PARP14: variants seen among roughly 807,000 people sequenced by gnomAD.
PARP14 encodes protein mono-ADP-ribosyltransferase PARP14.
Under a neutral mutation model 154.2 loss-of-function variants are expected in PARP14, and 59 were observed. That is an observed-to-expected ratio of 0.38 (90% CI 0.31 to 0.48). The LOEUF (loss-of-function observed/expected upper bound fraction) is 0.48, where lower values mean the gene tolerates loss of function less well. Ranked by LOEUF, PARP14 falls within the 20% of genes least tolerant of loss-of-function variation. The pLI, the probability that PARP14 is intolerant of heterozygous loss-of-function variation, is 0.98. For missense variants in PARP14, 1,734 were observed against 2,131.6 expected (o/e 0.81, Z 3.67); for synonymous variants, 720 against 780.5 (o/e 0.92, Z 1.29).
chr3:122,682,695 C>T (rs1294568753), intron 1 of PARP14, among the ~76,000 whole-genome samples: 1 of 152,156 alleles, frequency 6.6e-6, no homozygotes, highest in African/African-American at 2.4e-5. Context: ...TTCCTCCACC[C>T]CCAGGCTGCT....
intron 8 of PARP14, among the ~76,000 whole-genome samples, chr3:122,706,115 C>T (rs947012286): frequency 2.6e-5 from 4 of 152,144 alleles, no homozygotes; most frequent in African/African-American, 9.7e-5. Context: ...GTGACACAGA[C>T]CTGAACCTTC....
At chr3:122,722,229 G>A (rs766932119) in intron 15 of PARP14, 1 of 151,838 alleles carries the variant, frequency 6.6e-6, no homozygotes, top group Non-Finnish European at 1.5e-5. Context: ...TTTTTTTAAT[G>A]TAAAACTGGT....
Position 122,718,936 on chromosome 3 carries a change from T to C in PARP14, c.4785T>C (p.Val1595=). ...ACACAAAGGGCCACAGTTTATCTGT[T>C]CAGCGCCTCACGAAATCCAAAGGTG... ...ATDTKGHSLS[V]QRLTKSKVDI... is the part of the protein sequence containing the mutation. Residue 1595 remains valine (V), a synonymous_variant, in exon 14 of 17, where the codon GTT becomes GTC. Coordinates refer to ENST00000474629, the MANE Select transcript of PARP14 (RefSeq NM_017554.3). The C allele has an allele frequency of 6.3e-7, 1 of 1,587,328 alleles. No homozygotes were observed. Among genetic ancestry groups the C allele is most frequent in the Non-Finnish European group, 8.6e-7 (1 of 1,168,518 alleles).
Position 122,698,554 on chromosome 3 carries a change from C to T in PARP14, c.836-836C>T, listed in dbSNP as rs191491026. Among the ~76,000 whole-genome samples the T allele has an allele frequency of 1.3e-4, 20 of 152,192 alleles. No homozygotes were observed. In the East Asian group the frequency reaches 2.9e-3, roughly 22 times the overall value. On this transcript the variant is annotated intron_variant, in intron 5 of 16. Transcript: ENST00000474629. The stretch of plus-strand genomic sequence containing the variant: ...TTTGGTAGAGGGGCAAGAGGATGGG[C>T]GTTGGGGTTGGACAACCACTGAATC...
At chr3:122,684,370 T>C (rs965336758) in intron 1 of PARP14, among the ~76,000 whole-genome samples, 1 of 152,246 alleles carries the variant, frequency 6.6e-6, no homozygotes, top group African/African-American at 2.4e-5. Flanking sequence ...TCTTCATATC[T>C]CTCTGGCTGC....
chr3:122,713,430 A>T lies in PARP14; in HGVS notation c.3626A>T (p.Tyr1209Phe). 6.2e-7 allele frequency: 1 copy of T among 1,606,700 alleles called. No homozygotes were observed. Among genetic ancestry groups the T allele is most frequent in the East Asian group, 2.2e-5 (1 of 44,722 alleles). Residue 1209 changes from tyrosine to phenylalanine, a missense_variant, in exon 10 of 17, where the codon TAT becomes TTT. Tyr to Phe is a conservative substitution (Grantham distance 22). This residue lies in a region of PARP14 where 1,646 missense variants were observed against 1,976.0 expected (regional missense o/e 0.83). Transcript: ENST00000474629. The stretch of plus-strand genomic sequence containing the variant: ...TTACTTCTTTTCTTTTCAGGTTTTT[A>T]TGGGACTGTTTCTAGCCCTGATTCA... ...IPKAKDTQGF[Y>F]GTVSSPDSGV...
chr3:122,723,023 C>G (rs1341799484), intron 15 of PARP14, among the ~76,000 whole-genome samples: 1 of 152,012 alleles, frequency 6.6e-6, no homozygotes, highest in East Asian at 1.9e-4. Flanking sequence ...GCAACCTCCG[C>G]CTACCGGTTG....
In PARP14 at chr3:122,700,856, T is replaced by C; in HGVS notation, c.2302T>C (p.Leu768=). The part of the protein sequence containing the change: ...ARFYQSEIKR[L]FGCYIELQEN... ...GTTTTATCAAAGTGAGATCAAACGG[T>C]TGTTTGGTTGTTACATTGAACTACA... The change falls in exon 6 of 17, where the codon TTG becomes CTG. Residue 768 remains leucine (L), a synonymous_variant. Transcript: ENST00000474629. 6.2e-7 allele frequency: 1 copy of C among 1,613,890 alleles called. No homozygotes were observed. Among genetic ancestry groups the C allele is most frequent in the South Asian group, 1.1e-5 (1 of 91,082 alleles).
At chr3:122,720,890 T>C (rs150559929) in intron 15 of PARP14, 109 of 456,598 alleles carry the variant, frequency 2.4e-4, no homozygotes, top group African/African-American at 2.1e-3. Flanking sequence ...AAGGATTGCA[T>C]GAGCCCAGGA....
intron 1 of PARP14, among the ~76,000 whole-genome samples, chr3:122,682,537 A>G (rs542346709): frequency 6.6e-6 from 1 of 152,326 alleles, no homozygotes; most frequent in Non-Finnish European, 1.5e-5. Flanking sequence ...AGAAATAATT[A>G]TACAAATTTA....
chr3:122,713,167 C>T (rs1000314909), intron 9 of PARP14, among the ~76,000 whole-genome samples: 8 of 152,166 alleles, frequency 5.3e-5, no homozygotes, highest in African/African-American at 7.2e-5. Context: ...TTGTAATCAA[C>T]GGGAGAGATA....
At chr3:122,684,693 C>T (rs982635688) in intron 1 of PARP14, among the ~76,000 whole-genome samples, 3 of 152,112 alleles carry the variant, frequency 2.0e-5, no homozygotes, top group Non-Finnish European at 4.4e-5. Context: ...TAGGCTCCTG[C>T]TTACAGCCAC....
intron 5 of PARP14, among the ~76,000 whole-genome samples, chr3:122,698,656 A>G (rs1240860572): frequency 1.3e-5 from 2 of 152,230 alleles, no homozygotes; most frequent in East Asian, 1.9e-4. Flanking sequence ...TAGTAGGATG[A>G]TAATAATAAT....
At chr3:122,690,614 C>T (rs1463752265) in intron 3 of PARP14, among the ~76,000 whole-genome samples, 1 of 152,124 alleles carries the variant, frequency 6.6e-6, no homozygotes, top group African/African-American at 2.4e-5. Flanking sequence ...CAGCTTCAAG[C>T]GATTCTCCAG....
At chr3:122,721,170 A>T (rs1474085601) in intron 15 of PARP14, 4 of 295,792 alleles carry the variant, frequency 1.4e-5, no homozygotes, top group Non-Finnish European at 2.6e-5. Flanking sequence ...TCTGTACCTC[A>T]CCAGGGAATA....
rs753001423 is a variant in PARP14 at position 122,685,178 on chromosome 3, A to T, written c.188-7A>T. On this transcript the variant is annotated splice_region_variant and splice_polypyrimidine_tract_variant and intron_variant, in intron 1 of 16. Transcript: ENST00000474629. The stretch of plus-strand genomic sequence containing the variant: ...TTTGTCTTTTTTCCCCCCTTTGGAC[A>T]TTTCAGTTCGGCAGAAGGTTCTGGA... 2 of 1,613,498 alleles carry T rather than the reference A, an allele frequency of 1.2e-6. No homozygotes were observed.
At chr3:122,722,961 A>G (rs2107655332) in intron 15 of PARP14, among the ~76,000 whole-genome samples, 1 of 148,916 alleles carries the variant, frequency 6.7e-6, no homozygotes, top group Non-Finnish European at 1.5e-5. Context: ...CCCGAGACGG[A>G]GTCTTGCTCT....
intron 15 of PARP14, among the ~76,000 whole-genome samples, chr3:122,726,639 C>G (rs908384992): frequency 1.3e-5 from 2 of 151,904 alleles, no homozygotes; most frequent in Non-Finnish European, 2.9e-5. Context: ...TAGAATTTAT[C>G]CCATGAGAAA....
At chr3:122,714,668 G>A (rs937552638) in intron 12 of PARP14, among the ~76,000 whole-genome samples, 5 of 151,344 alleles carry the variant, frequency 3.3e-5, no homozygotes, top group African/African-American at 1.2e-4. Flanking sequence ...TGTTAGAGAG[G>A]CAGAAAGAAG....
Sources: allele counts gnomAD v4.1 joint callset (sites outside exome capture counted in the v4.1 genomes callset), GRCh38; gene constraint gnomAD v4.1.1; regional missense constraint gnomAD v4.1.1; transcripts MANE v1.5; gene names NCBI Gene and HGNC (gene_info 2026-07-23, HGNC 2026-07-21).